Variants in PAPPA2 observed in about 807,000 individuals in gnomAD.
PAPPA2 encodes pappalysin-2.
Under a neutral mutation model 176.4 loss-of-function variants are expected in PAPPA2, and 86 were observed. The ratio of observed to expected loss-of-function variants is 0.49; its 90% CI spans 0.41 to 0.58. The LOEUF (loss-of-function observed/expected upper bound fraction) is 0.58. Ranked by LOEUF, PAPPA2 falls within the 20% of genes least tolerant of loss-of-function variation. The pLI is 0.00. For synonymous variants in PAPPA2, 809 were observed against 852.2 expected, an observed-to-expected ratio of 0.95 and a Z score of 0.88; for missense variants, 2,073 against 2,256.9, an observed-to-expected ratio of 0.92 and a Z score of 1.65.
chr1:176,746,400 CTTTTTCTT>C (rs899438049), intron 14 of PAPPA2, among the ~76,000 whole-genome samples: 1 of 152,040 alleles, frequency 6.6e-6, no homozygotes, highest in South Asian at 2.1e-4. Flanking sequence ...TACTGTTTTT[CTTTTTCTT>C]TTTTTCTTTT....
chr1:176,620,820 T>A (rs770969798), intron 3 of PAPPA2, among the ~76,000 whole-genome samples: 10 of 152,206 alleles, frequency 6.6e-5, no homozygotes, highest in Admixed American at 1.3e-4. Context: ...TAGCTGAGTA[T>A]AAAAAGTAAT....
intron 1 of PAPPA2, among the ~76,000 whole-genome samples, chr1:176,495,189 T>C (rs1484616552): frequency 2.6e-5 from 4 of 152,184 alleles, no homozygotes; most frequent in Admixed American, 6.5e-5. Context: ...CTGCCTCATA[T>C]ATATTACTTA....
chr1:176,500,736 C>T (rs1272398696), intron 1 of PAPPA2, among the ~76,000 whole-genome samples: 1 of 151,532 alleles, frequency 6.6e-6, no homozygotes, highest in Non-Finnish European at 1.5e-5. Context: ...TTCCTACTGG[C>T]ATTAACTTTT....
At position 176,837,499 on chromosome 1, in the gene PAPPA2, A is replaced by G. The variant is rs868380397; in HGVS notation, c.5203-2674A>G. Reference sequence around the variant, plus strand: ...AAGGCAAAAAAAAAAAAAAAAAAAAACGGGTGTTTTATAAAGATATTTTTG... The same window carrying G: ...AAGGCAAAAAAAAAAAAAAAAAAAAGCGGGTGTTTTATAAAGATATTTTTG... On this transcript the variant is annotated intron_variant, in intron 21 of 22. Coordinates refer to ENST00000367662, the MANE Select transcript of PAPPA2 (RefSeq NM_020318.3). Among the ~76,000 whole-genome samples the G allele has an allele frequency of 9.8e-3, 1,206 of 122,724 alleles. 20 individuals carry two copies. Among genetic ancestry groups the G allele is most frequent in the African/African-American group, 0.034 (1,051 of 30,722 alleles). 80.5% of individuals were successfully genotyped at this position (122,724 alleles called of 152,430 possible). A position where few individuals can be genotyped will look rare whatever the true frequency, so the allele number is the denominator to read the frequency against.
chr1:176,616,204 A>G (rs1173329329), intron 3 of PAPPA2: 1 of 393,630 alleles, frequency 2.5e-6, no homozygotes, highest in Non-Finnish European at 4.9e-6. Context: ...CATGTTGGCT[A>G]ATGTGTATAA....
At chr1:176,713,746 T>G (rs569452736) in intron 12 of PAPPA2, among the ~76,000 whole-genome samples, 21 of 152,200 alleles carry the variant, frequency 1.4e-4, no homozygotes, top group African/African-American at 4.1e-4. Flanking sequence ...TTTTGAGAGA[T>G]AAAATTAACT....
At chr1:176,653,060 T>C (rs192787770) in intron 3 of PAPPA2, among the ~76,000 whole-genome samples, 3 of 151,842 alleles carry the variant, frequency 2.0e-5, no homozygotes, top group East Asian at 3.9e-4. Flanking sequence ...TCTTAGTCAC[T>C]TAGTCTGTTA....
intron 6 of PAPPA2, among the ~76,000 whole-genome samples, chr1:176,692,525 G>A (rs920991557): frequency 1.3e-5 from 2 of 152,226 alleles, no homozygotes. Context: ...CTCATCTTAA[G>A]TGCTCACTCC....
At chr1:176,762,194 T>C (rs942074115) in intron 14 of PAPPA2, among the ~76,000 whole-genome samples, 31 of 151,464 alleles carry the variant, frequency 2.0e-4, no homozygotes, top group Admixed American at 1.9e-3. Flanking sequence ...AGTGAAAGAA[T>C]TTGCAGCAGC....
chr1:176,524,426 A>C (rs1212721514), intron 1 of PAPPA2, among the ~76,000 whole-genome samples: 1 of 152,194 alleles, frequency 6.6e-6, no homozygotes, highest in African/African-American at 2.4e-5. Context: ...TTTTTCTTAA[A>C]TTTTCAAAGA....
chr1:176,742,439 G>A (rs143918269), intron 14 of PAPPA2, among the ~76,000 whole-genome samples: 2 of 152,256 alleles, frequency 1.3e-5, no homozygotes, highest in East Asian at 3.9e-4. Context: ...TTCTTCTCAT[G>A]TGGCACTGTG....
chr1:176,566,676 G>C (rs1187561951), intron 2 of PAPPA2, among the ~76,000 whole-genome samples: 1 of 152,158 alleles, frequency 6.6e-6, no homozygotes, highest in African/African-American at 2.4e-5. Context: ...ACTTTTGGCA[G>C]CCCACATACA....
At chr1:176,822,722 G>A (rs1666711992) in intron 21 of PAPPA2, among the ~76,000 whole-genome samples, 2 of 152,050 alleles carry the variant, frequency 1.3e-5, no homozygotes, top group Admixed American at 1.3e-4. Flanking sequence ...TTGTTTCTTT[G>A]CCTAACATTG....
intron 4 of PAPPA2, among the ~76,000 whole-genome samples, chr1:176,672,354 A>G (rs1470334647): frequency 6.6e-6 from 1 of 152,148 alleles, no homozygotes; most frequent in Non-Finnish European, 1.5e-5. Context: ...AATGATTTTT[A>G]AAAGGTACTG....
At chr1:176,602,719 A>G (rs182993785) in intron 3 of PAPPA2, among the ~76,000 whole-genome samples, 34 of 152,276 alleles carry the variant, frequency 2.2e-4, no homozygotes, top group African/African-American at 7.9e-4. Flanking sequence ...ACAGCAAAAA[A>G]AAAACTGCCA....
At chr1:176,573,183 C>A (rs1426313930) in intron 2 of PAPPA2, among the ~76,000 whole-genome samples, 1 of 152,186 alleles carries the variant, frequency 6.6e-6, no homozygotes, top group Non-Finnish European at 1.5e-5. Flanking sequence ...CCACTTCACA[C>A]CCCCTAAGGT....
At chr1:176,527,701 T>C (rs2102547165) in intron 1 of PAPPA2, among the ~76,000 whole-genome samples, 1 of 152,304 alleles carries the variant, frequency 6.6e-6, no homozygotes, top group South Asian at 2.1e-4. Context: ...GACCCCTGTG[T>C]CCCTAGTGTT....
chr1:176,814,350 A>G (rs1297585117), intron 21 of PAPPA2, among the ~76,000 whole-genome samples: 1 of 152,166 alleles, frequency 6.6e-6, no homozygotes, highest in Non-Finnish European at 1.5e-5. Context: ...TGGAAATAGC[A>G]TTGAATCTAT....
intron 4 of PAPPA2, among the ~76,000 whole-genome samples, chr1:176,684,658 T>C (rs1659750035): frequency 6.6e-6 from 1 of 152,150 alleles, no homozygotes; most frequent in South Asian, 2.1e-4. Flanking sequence ...AAAATGATAA[T>C]CATATTCCCC....
Sources: gnomAD v4.1 joint callset for allele counts (sites outside exome capture counted in the v4.1 genomes callset) on GRCh38, gnomAD v4.1.1 for gene constraint, MANE v1.5 for transcripts, NCBI Gene and HGNC (gene_info 2026-07-23, HGNC 2026-07-21) for gene names.